The following FREM3 variants were observed in gnomAD, a reference collection of about 807,000 sequenced individuals.
The protein encoded by FREM3 is FRAS1 related extracellular matrix 3.
In FREM3, 105 loss-of-function variants were observed where a neutral mutation model predicts 129.1. The observed-to-expected ratio is 0.81, with a 90% CI of 0.69 to 0.96. The LOEUF (loss-of-function observed/expected upper bound fraction) is 0.96, where lower values mean the gene tolerates loss of function less well. Ranked by LOEUF, FREM3 falls within the 40% of genes least tolerant of loss-of-function variation. The pLI, the probability that FREM3 is intolerant of heterozygous loss-of-function variation, is 0.00. For missense variants in FREM3, 2,593 were observed against 2,666.3 expected (o/e 0.97, Z 0.61); for synonymous variants, 1,014 against 1,044.9 (o/e 0.97, Z 0.57).
chr4:143,696,574 T>G lies in FREM3; in HGVS notation c.4102A>C (p.Asn1368His), dbSNP rs1740573163. 3.9e-6 allele frequency: 6 copies of G among 1,537,412 alleles called. No homozygotes were observed. The highest frequency in any genetic ancestry group is 5.2e-6 in the Non-Finnish European group (6 of 1,146,962). Residue 1368 changes from asparagine to histidine, a missense_variant, in exon 1 of 8, where the codon AAT becomes CAT. Asn to His is a moderately conservative substitution (Grantham distance 68). Around this residue, in one of 2 missense-constraint regions of FREM3, gnomAD observed 2,276 missense variants for 2,267.2 expected, o/e 1.00. Transcript: ENST00000329798. ...LRKPRGEVRNNLTLGMNFTQD... is the reference protein window; with the variant it reads ...LRKPRGEVRNHLTLGMNFTQD... ...GTAAAGTTCATTCCCAGAGTAAGAT[T>G]GTTCCTCACTTCTCCTCTGGGTTTT... is the stretch of plus-strand genomic sequence containing the variant.
At position 143,699,072 on chromosome 4, in the gene FREM3, G is replaced by T. The variant is rs2149865554; in HGVS notation, c.1604C>A (p.Thr535Asn). 2 of 1,537,414 alleles carry T rather than the reference G, an allele frequency of 1.3e-6. No individual in the cohort carries two copies. Among genetic ancestry groups the T allele is most frequent in the East Asian group, 4.9e-5 (2 of 40,914 alleles). Residue 535 changes from threonine to asparagine, a missense_variant, in exon 1 of 8, where the codon ACC becomes AAC. Physicochemically the swap from Thr to Asn is moderately conservative, Grantham distance 65. Coordinates refer to ENST00000329798, the MANE Select transcript of FREM3 (RefSeq NM_001168235.2). This position sits in a 1 kb window ranked among gnomAD's most constrained non-coding sequence, Gnocchi z 4.2. ...HHQVDFLFPL[T>N]ILPVDDEPPM... ...TGGTTCATCATCCACAGGTAGGATG[G>T]TGAGGGGAAAGAGGAAGTCCACTTG... is the stretch of plus-strand genomic sequence containing the variant.
intron 2 of FREM3, among the ~76,000 whole-genome samples, chr4:143,680,415 C>T (rs1381659386): frequency 4.0e-5 from 6 of 151,878 alleles, no homozygotes; most frequent in Non-Finnish European, 2.9e-5. Context: ...ATTATTGTAT[C>T]ATCTTCTAAG....
chr4:143,577,932 C>T, intron 7 of FREM3, 80 bp from the exon 8 acceptor site: 1 of 1,411,834 alleles, frequency 7.1e-7, no homozygotes, highest in East Asian at 2.5e-5. Flanking sequence ...AGAGCTCTCA[C>T]CAACTCTGCG....
intron 4 of FREM3, among the ~76,000 whole-genome samples, chr4:143,622,511 C>G (rs1403291529): frequency 6.8e-6 from 1 of 147,812 alleles, no homozygotes; most frequent in Non-Finnish European, 1.5e-5. Context: ...TCTTTACTTT[C>G]CTGCCTACAT....
chr4:143,687,071 A>AC (rs1411616047), intron 2 of FREM3, among the ~76,000 whole-genome samples: 3 of 152,154 alleles, frequency 2.0e-5, no homozygotes, highest in African/African-American at 7.2e-5. Flanking sequence ...ATTATCTTTG[A>AC]AAAGATAAAT....
At chr4:143,687,196 A>C (rs1213488419) in intron 2 of FREM3, among the ~76,000 whole-genome samples, 1 of 152,188 alleles carries the variant, frequency 6.6e-6, no homozygotes, top group Non-Finnish European at 1.5e-5. Context: ...AATACAAAAG[A>C]GCATTCAAGG....
At position 143,697,955 on chromosome 4, in the gene FREM3, G is replaced by T. The variant is rs1740610856; in HGVS notation, c.2721C>A (p.Asp907Glu). 6.5e-7 allele frequency: 1 copy of T among 1,537,632 alleles called. No homozygotes were observed. Among genetic ancestry groups the T allele is most frequent in the Non-Finnish European group, 8.7e-7 (1 of 1,147,040 alleles). The change falls in exon 1 of 8, where the codon GAC becomes GAA. Residue 907 changes from aspartate to glutamate, a missense_variant. Around this residue, in one of 2 missense-constraint regions of FREM3, gnomAD observed 2,276 missense variants for 2,267.2 expected, o/e 1.00. Coordinates refer to ENST00000329798, the MANE Select transcript of FREM3 (RefSeq NM_001168235.2). Reference sequence around the variant, plus strand: ...GGAAAGTGTCACTGGTAGTCGTCTGGTCTCTGCCATGCTGGTAAGAGACAC... The same window carrying T: ...GGAAAGTGTCACTGGTAGTCGTCTGTTCTCTGCCATGCTGGTAAGAGACAC... ...NGSVSYQHGR[D>E]QTTTSDTFHL... is the part of the protein sequence containing the mutation.
chr4:143,689,754 C>G (rs1195341539), intron 2 of FREM3, among the ~76,000 whole-genome samples: 1 of 151,718 alleles, frequency 6.6e-6, no homozygotes, highest in African/African-American at 2.4e-5. Context: ...AGATCGGAGA[C>G]TATTATTCTA....
At chr4:143,647,887 A>C (rs1739446614) in intron 2 of FREM3, among the ~76,000 whole-genome samples, 1 of 152,154 alleles carries the variant, frequency 6.6e-6, no homozygotes, top group Non-Finnish European at 1.5e-5. Flanking sequence ...CGGTGAGAAG[A>C]AGGCCACCAT....
chr4:143,663,724 A>G (rs995439081), intron 2 of FREM3, among the ~76,000 whole-genome samples: 4 of 152,102 alleles, frequency 2.6e-5, no homozygotes, highest in African/African-American at 7.2e-5. Flanking sequence ...AGGTACACCA[A>G]TCAGATGTAG....
At chr4:143,662,417 C>T in intron 2 of FREM3, among the ~76,000 whole-genome samples, 1 of 152,102 alleles carries the variant, frequency 6.6e-6, no homozygotes, top group Non-Finnish European at 1.5e-5. Context: ...TTTCTTAATC[C>T]TGAGTAGTAG....
In FREM3 at chr4:143,698,016, C is replaced by G. The variant is rs539817487; in HGVS notation, c.2660G>C (p.Gly887Ala). ...LQYFKRCMVP[G>A]ESFMQADVIN... ...AACATCAGCTTGCATGAAAGATTCC[C>G]CTGGGACCATACATCTTTTAAAGTA... The change falls in exon 1 of 8, where the codon GGG (glycine) becomes GCG (alanine). Residue 887 changes from glycine (G) to alanine (A), a missense_variant. Around this residue, in one of 2 missense-constraint regions of FREM3, gnomAD observed 2,276 missense variants for 2,267.2 expected, o/e 1.00. Transcript: ENST00000329798. 1.9e-5 allele frequency: 29 copies of G among 1,537,264 alleles called. No homozygotes were observed. The highest frequency in any genetic ancestry group is 2.5e-5 in the Non-Finnish European group (29 of 1,146,958).
intron 2 of FREM3, among the ~76,000 whole-genome samples, chr4:143,658,900 G>T (rs767371174): frequency 1.3e-5 from 2 of 151,840 alleles, no homozygotes; most frequent in Non-Finnish European, 2.9e-5. Flanking sequence ...ACAAAGTTAC[G>T]GTGAATTCAA....
In FREM3 at chr4:143,699,455, C is replaced by A; in HGVS notation, c.1221G>T (p.Glu407Asp). ...HGERLFQLEL[E>D]VVDGDGAASD... is the part of the protein sequence containing the mutation. Reference sequence around the variant, plus strand: ...AGGCGGCGCCGTCTCCGTCCACCACCTCCAGCTCCAGCTGAAAGAGGCGCT... The same window carrying A: ...AGGCGGCGCCGTCTCCGTCCACCACATCCAGCTCCAGCTGAAAGAGGCGCT... The change falls in exon 1 of 8, where the codon GAG becomes GAT. Residue 407 changes from glutamate (E) to aspartate (D), a missense_variant. Physicochemically the swap from Glu to Asp is conservative, Grantham distance 45. Coordinates refer to ENST00000329798, the MANE Select transcript of FREM3 (RefSeq NM_001168235.2). This position sits in a 1 kb window ranked among gnomAD's most constrained non-coding sequence, Gnocchi z 4.2. 2 of 1,537,310 alleles carry A rather than the reference C, an allele frequency of 1.3e-6. No homozygotes were observed. The highest frequency in any genetic ancestry group is 2.4e-5 in the East Asian group (1 of 40,908).
intron 2 of FREM3, among the ~76,000 whole-genome samples, chr4:143,665,351 C>A (rs1414192122): frequency 6.6e-6 from 1 of 152,082 alleles, no homozygotes; most frequent in Non-Finnish European, 1.5e-5. Flanking sequence ...ATAGCATTTA[C>A]CCTGCCTTAT....
chr4:143,617,667 G>T (rs1738875863), intron 5 of FREM3, among the ~76,000 whole-genome samples: 1 of 152,130 alleles, frequency 6.6e-6, no homozygotes, highest in African/African-American at 2.4e-5. Flanking sequence ...CAACTCTTGG[G>T]TTTAAGCTAG....
At chr4:143,692,610 A>G (rs765312954) in intron 2 of FREM3, among the ~76,000 whole-genome samples, 6 of 152,180 alleles carry the variant, frequency 3.9e-5, no homozygotes, top group Non-Finnish European at 7.3e-5. Flanking sequence ...TGCAGCATAA[A>G]CAGGCAGTTT....
intron 6 of FREM3, among the ~76,000 whole-genome samples, chr4:143,606,744 T>C (rs1048239178): frequency 1.3e-5 from 2 of 152,094 alleles, no homozygotes; most frequent in African/African-American, 4.8e-5. Flanking sequence ...ACATGATCTC[T>C]AGTTCCCATT....
chr4:143,686,098 C>G (rs1257004713), intron 2 of FREM3, among the ~76,000 whole-genome samples: 1 of 152,098 alleles, frequency 6.6e-6, no homozygotes, highest in African/African-American at 2.4e-5. Context: ...CACATAAAGA[C>G]TCACATAACT....
Sources: allele counts gnomAD v4.1 joint callset (sites outside exome capture counted in the v4.1 genomes callset), GRCh38; gene constraint gnomAD v4.1.1; regional missense constraint gnomAD v4.1.1; non-coding constraint Gnocchi (gnomAD v3.1); transcripts MANE v1.5; gene names NCBI Gene and HGNC (gene_info 2026-07-23, HGNC 2026-07-21).